The following INSR variants were observed in gnomAD, a reference collection of about 807,000 sequenced individuals.
INSR encodes IR.
INSR carries 67 observed loss-of-function variants against 142.6 expected under a neutral mutation model. The observed-to-expected ratio is 0.47, with a 90% CI of 0.39 to 0.58. The LOEUF is 0.58. Ranked by LOEUF, INSR falls within the 20% of genes least tolerant of loss-of-function variation. The pLI, the probability that INSR is intolerant of heterozygous loss-of-function variation, is 0.00. For missense variants in INSR, 1,248 were observed against 1,833.2 expected, an observed-to-expected ratio of 0.68 and a Z score of 5.83; for synonymous variants, 756 against 743.1, an observed-to-expected ratio of 1.02 and a Z score of -0.28.
intron 2 of INSR, among the ~76,000 whole-genome samples, chr19:7,202,108 A>C (rs1239607637): frequency 6.6e-6 from 1 of 152,160 alleles, no homozygotes; most frequent in African/African-American, 2.4e-5. Context: ...TATCCATTTC[A>C]GTAGTCACTA....
In INSR at chr19:7,277,205, C is replaced by T. The variant is rs539846658; in HGVS notation, c.101-9309G>A. On this transcript the variant is annotated intron_variant, in intron 1 of 21. Coordinates refer to ENST00000302850, the MANE Select transcript of INSR (RefSeq NM_000208.4). The stretch of plus-strand genomic sequence containing the variant: ...TGGACACACTGGGGTGTCAGAGATC[C>T]TTAAGATTCTCCACCTGCCTGCAAG... Among the ~76,000 whole-genome samples, 9 of 152,232 alleles carry T rather than the reference C, an allele frequency of 5.9e-5. 1 individual carries two copies. In the South Asian group the frequency reaches 1.9e-3, roughly 32 times the overall value.
At chr19:7,290,695 C>T (rs754338927) in intron 1 of INSR, among the ~76,000 whole-genome samples, 3 of 151,416 alleles carry the variant, frequency 2.0e-5, no homozygotes, top group African/African-American at 4.9e-5. Flanking sequence ...TGCACTTGAA[C>T]CTGAAAGGCG....
chr19:7,241,002 T>C (rs1275008260), intron 2 of INSR, among the ~76,000 whole-genome samples: 1 of 152,126 alleles, frequency 6.6e-6, no homozygotes, highest in East Asian at 1.9e-4. Flanking sequence ...CATTGACGTG[T>C]GTACAAGGTT....
Position 7,168,365 on chromosome 19 carries a change from G to A in INSR, c.1484-271C>T, listed in dbSNP as rs2303673. On this transcript the variant is annotated intron_variant, in intron 6 of 21. Coordinates refer to ENST00000302850, the MANE Select transcript of INSR (RefSeq NM_000208.4). This position sits in a 1 kb window ranked among gnomAD's most constrained non-coding sequence, Gnocchi z 4.3. ...AACTGAATAAGCGCAGTCTGTACCC[G>A]CGCAAGAAGGACAACCGGCCAATAG... is the stretch of plus-strand genomic sequence containing the variant. Among the ~76,000 whole-genome samples the A allele has an allele frequency of 1.3e-3, 192 of 152,238 alleles. No homozygotes were observed. Among genetic ancestry groups the A allele is most frequent in the East Asian group, 5.6e-3 (29 of 5,172 alleles).
At chr19:7,173,393 A>T (rs1974062840) in intron 4 of INSR, among the ~76,000 whole-genome samples, 1 of 151,264 alleles carries the variant, frequency 6.6e-6, no homozygotes. Context: ...ATCTCGGCTC[A>T]CTGCAACCTC....
intron 2 of INSR, among the ~76,000 whole-genome samples, chr19:7,251,491 C>T (rs1976726673): frequency 1.3e-5 from 2 of 151,696 alleles, no homozygotes; most frequent in South Asian, 4.2e-4. Flanking sequence ...CAACTCTTGG[C>T]TTCAAGTGAT....
At chr19:7,293,423 G>A (rs1170912804) in intron 1 of INSR, among the ~76,000 whole-genome samples, 1 of 152,196 alleles carries the variant, frequency 6.6e-6, no homozygotes, top group African/African-American at 2.4e-5. Flanking sequence ...CAGACCCAGT[G>A]ACCCCACTTC....
intron 2 of INSR, among the ~76,000 whole-genome samples, chr19:7,256,398 G>A (rs374961522): frequency 4.7e-4 from 72 of 152,198 alleles, no homozygotes; most frequent in Middle Eastern, 3.4e-3. Context: ...GCAGTGAGCC[G>A]AGATTGCGCC....
chr19:7,193,348 C>A (rs1014094565), intron 2 of INSR, among the ~76,000 whole-genome samples: 5 of 151,870 alleles, frequency 3.3e-5, no homozygotes, highest in Admixed American at 3.3e-4. Flanking sequence ...TCCGTCTCCA[C>A]GAAAAATATA....
chr19:7,138,686 T>A (rs1972998490), intron 13 of INSR, among the ~76,000 whole-genome samples: 1 of 152,152 alleles, frequency 6.6e-6, no homozygotes, highest in Non-Finnish European at 1.5e-5. Flanking sequence ...AACATCATTT[T>A]CAATGGCTCT....
intron 2 of INSR, among the ~76,000 whole-genome samples, chr19:7,260,953 T>C (rs541484616): frequency 1.1e-3 from 163 of 151,624 alleles, no homozygotes; most frequent in Non-Finnish European, 1.7e-3. Flanking sequence ...AGTGGTGTGA[T>C]CTCAGCTCAC....
chr19:7,257,421 C>T (rs185957771), intron 2 of INSR, among the ~76,000 whole-genome samples: 147 of 148,920 alleles, frequency 9.9e-4, no homozygotes, highest in Middle Eastern at 3.4e-3. Context: ...AGCACGGGTT[C>T]GATGACTCAC....
intron 2 of INSR, among the ~76,000 whole-genome samples, chr19:7,212,655 G>A (rs1975310239): frequency 6.6e-6 from 1 of 151,938 alleles, no homozygotes; most frequent in African/African-American, 2.4e-5. Context: ...GCATGATCTC[G>A]GCTCACTGCA....
At chr19:7,206,364 G>A (rs1975104145) in intron 2 of INSR, among the ~76,000 whole-genome samples, 1 of 152,150 alleles carries the variant, frequency 6.6e-6, no homozygotes, top group Non-Finnish European at 1.5e-5. Flanking sequence ...GAGCAGACGG[G>A]GTTTGGCCAT....
At position 7,172,420 on chromosome 19, in the gene INSR, C is replaced by T; in HGVS notation, c.1138G>A (p.Glu380Lys). 2 of 1,614,064 alleles carry T rather than the reference C, an allele frequency of 1.2e-6. No homozygotes were observed. Among genetic ancestry groups the T allele is most frequent in the Non-Finnish European group, 1.7e-6 (2 of 1,179,998 alleles). ...ATGAGGCCGAGGTTGGCTTCTAGCT[C>T]AGCTGCCAGATTGTCTAAGGAAAGG... is the stretch of plus-strand genomic sequence containing the variant. ...NIRGGNNLAA[E>K]LEANLGLIEE... The change falls in exon 5 of 22, where the codon GAG (glutamate) becomes AAG (lysine). Residue 380 changes from glutamate (E) to lysine (K), a missense_variant. Around this residue, in one of 3 missense-constraint regions of INSR, gnomAD observed 1,069 missense variants for 1,654.0 expected, o/e 0.65. Transcript: ENST00000302850.
In INSR at chr19:7,142,850, C is replaced by T; in HGVS notation, c.2508G>A (p.Val836=). 1 of 1,614,104 alleles carries T rather than the reference C, an allele frequency of 6.2e-7. No homozygotes were observed. The highest frequency in any genetic ancestry group is 2.2e-5 in the East Asian group (1 of 44,882). ...TGGTCCTCGCACTGACGTAGGCTGC[C>T]ACACTGCACCGTTCCTCAGGGGTGT... The part of the protein sequence containing the change: ...NQDTPEERCS[V]AAYVSARTMP... Residue 836 remains valine (V), a synonymous_variant, in exon 12 of 22, where the codon GTG becomes GTA. Transcript: ENST00000302850.
intron 1 of INSR, among the ~76,000 whole-genome samples, chr19:7,291,453 T>C (rs1033841862): frequency 2.0e-5 from 3 of 152,166 alleles, no homozygotes; most frequent in Non-Finnish European, 4.4e-5. Context: ...TAGGAAGGTA[T>C]TATGCAGAGA....
At chr19:7,224,446 C>G (rs1016049545) in intron 2 of INSR, among the ~76,000 whole-genome samples, 3 of 152,090 alleles carry the variant, frequency 2.0e-5, no homozygotes, top group Admixed American at 6.5e-5. Context: ...GCTCTGAAAA[C>G]CCATTCATGG....
rs886895491 is a variant in INSR, at chr19:7,280,048, G to C, written c.101-12152C>G. Among the ~76,000 whole-genome samples, 3 of 146,414 alleles carry C rather than the reference G, an allele frequency of 2.0e-5. No homozygotes were observed. In the East Asian group the frequency reaches 6.4e-4, roughly 31 times the overall value. The stretch of plus-strand genomic sequence containing the variant: ...TGGGAGGCCGAGGCGGGCGGATCAC[G>C]AGGTCAAGAGATTGAGACCATCCTG... On this transcript the variant is annotated intron_variant, in intron 1 of 21. Transcript: ENST00000302850.
Sources: gnomAD v4.1 joint callset for allele counts (sites outside exome capture counted in the v4.1 genomes callset) on GRCh38, gnomAD v4.1.1 for gene constraint, gnomAD v4.1.1 regional missense constraint, Gnocchi (gnomAD v3.1) non-coding constraint, MANE v1.5 for transcripts, NCBI Gene and HGNC (gene_info 2026-07-23, HGNC 2026-07-21) for gene names.